The following LRRC8E variants were observed in gnomAD, a reference collection of about 807,000 sequenced individuals.
The protein encoded by LRRC8E is volume-regulated anion channel subunit LRRC8E.
A neutral mutation model predicts 6.1 loss-of-function variants in LRRC8E; 6 were observed. That is an observed-to-expected ratio of 0.98 (90% CI 0.54 to 1.93). The LOEUF is 1.93. Among genes scored for constraint, LRRC8E ranks in the 30% most tolerant of loss-of-function variants. LRRC8E has a pLI of 0.01. For synonymous variants in LRRC8E, 485 were observed against 472.8 expected, an observed-to-expected ratio of 1.03 and a Z score of -0.33; for missense variants, 1,028 against 1,031.4, an observed-to-expected ratio of 1.00 and a Z score of 0.04.
chr19:7,898,382 C>T lies in LRRC8E; in HGVS notation c.139-279C>T, dbSNP rs546693328. Among the ~76,000 whole-genome samples the T allele has an allele frequency of 5.2e-3, 793 of 152,012 alleles. 3 individuals are homozygous for T. Among genetic ancestry groups the T allele is most frequent in the Non-Finnish European group, 8.8e-3 (598 of 67,988 alleles). On this transcript the variant is annotated intron_variant, in intron 2 of 2. Transcript: ENST00000306708. ...TTTTTAAATTAATTTATTTTTGAGA[C>T]AGAGGCTCACTCTGTCACCCAGGCT...
intron 2 of LRRC8E, among the ~76,000 whole-genome samples, chr19:7,897,080 G>A (rs774503912): frequency 1.1e-4 from 17 of 152,270 alleles, no homozygotes; most frequent in Middle Eastern, 6.8e-3. Context: ...AGTTGTCAGT[G>A]AGGGAGAATC....
chr19:7,897,563 G>T (rs575945449), intron 2 of LRRC8E, among the ~76,000 whole-genome samples: 19 of 142,192 alleles, frequency 1.3e-4, no homozygotes, highest in African/African-American at 5.0e-4. Context: ...CTGTAACCTT[G>T]TACTCCTGGC....
At chr19:7,898,020 G>C (rs1332128893) in intron 2 of LRRC8E, among the ~76,000 whole-genome samples, 3 of 151,966 alleles carry the variant, frequency 2.0e-5, no homozygotes, top group Admixed American at 1.3e-4. Context: ...GAGCAGCCTG[G>C]CCAACATGGT....
rs139734410 is a variant in LRRC8E, at chr19:7,899,974, C to A, written c.1452C>A (p.Asp484Glu). Residue 484 changes from aspartate (D) to glutamate (E), a missense_variant, in exon 3 of 3, where the codon GAC becomes GAA. By Grantham distance (45) the Asp-to-Glu change is conservative. Transcript: ENST00000306708. ...LPFSLQVFLR[D>E]HLKVMRVKCE... Reference sequence around the variant, plus strand: ...TCTCCTTGCAGGTCTTCCTGCGGGACCACCTGAAGGTGATGCGCGTCAAAT... The same window carrying A: ...TCTCCTTGCAGGTCTTCCTGCGGGAACACCTGAAGGTGATGCGCGTCAAAT... The A allele has an allele frequency of 7.0e-3, 11,296 of 1,609,668 alleles. 75 individuals carry two copies. Among genetic ancestry groups the A allele is most frequent in the South Asian group, 0.018 (1,626 of 90,956 alleles).
At chr19:7,894,478 C>G (rs907282314) in intron 1 of LRRC8E, among the ~76,000 whole-genome samples, 4 of 152,188 alleles carry the variant, frequency 2.6e-5, no homozygotes, top group African/African-American at 4.8e-5. Context: ...CCACCTGCCT[C>G]AGCTTCCCAT....
Position 7,895,860 on chromosome 19 carries a change from A to G in LRRC8E, c.138+119A>G. On this transcript the variant is annotated intron_variant, in intron 2 of 2. Transcript: ENST00000306708. This position sits in a 1 kb window ranked among gnomAD's most constrained non-coding sequence, Gnocchi z 4.7. Reference sequence around the variant, plus strand: ...GAAACTGAAGACAGAGCCCCACTCAAAGGCCAATCCAGACCCCTTATCTTC... The same window carrying G: ...GAAACTGAAGACAGAGCCCCACTCAGAGGCCAATCCAGACCCCTTATCTTC... 7.6e-7 allele frequency: 1 copy of G among 1,318,382 alleles called. No individual in the cohort carries two copies. The highest frequency in any genetic ancestry group is 2.5e-5 in the East Asian group (1 of 40,456). The allele number at this position is 1,318,382 out of a possible 1,614,324, so 81.7% of individuals were successfully genotyped here. A position where few individuals can be genotyped will look rare whatever the true frequency, so the allele number is the denominator to read the frequency against.
At position 7,895,394 on chromosome 19, in the gene LRRC8E, G is replaced by T; in HGVS notation, c.-5-205G>T. 1 of 586,308 alleles carries T rather than the reference G, an allele frequency of 1.7e-6. No individual in the cohort carries two copies. Among genetic ancestry groups the T allele is most frequent in the Non-Finnish European group, 3.0e-6 (1 of 330,996 alleles). The allele number at this position is 586,308 out of a possible 1,614,324, so 36.3% of individuals were successfully genotyped here. On this transcript the variant is annotated intron_variant, in intron 1 of 2. Transcript: ENST00000306708. The surrounding 1 kb of genome is among the most constrained non-coding windows in gnomAD (Gnocchi z 4.7). ...GCCCAGAGGGGAACAGTGGCCGCTT[G>T]GTTCTGGGCAGGTGGTGACGTCTGC... is the stretch of plus-strand genomic sequence containing the variant.
At position 7,899,179 on chromosome 19, in the gene LRRC8E, T is replaced by A; in HGVS notation, c.657T>A (p.Val219=). Residue 219 remains valine (V), a synonymous_variant, in exon 3 of 3, where the codon GTT becomes GTA. Coordinates refer to ENST00000306708, the MANE Select transcript of LRRC8E (RefSeq NM_025061.6). ...AGAAGGTGGTGACCGAGCCTCCAGT[T>A]GTCACCCTGTTGGACAAGAAGGAGG... ...EPEKVVTEPP[V]VTLLDKKEGE... 4 of 1,614,100 alleles carry A rather than the reference T, an allele frequency of 2.5e-6. No individual in the cohort carries two copies. Among genetic ancestry groups the A allele is most frequent in the Middle Eastern group, 1.6e-4 (1 of 6,062 alleles).
At position 7,899,303 on chromosome 19, in the gene LRRC8E, C is replaced by A; in HGVS notation, c.781C>A (p.Leu261Met). Residue 261 changes from leucine (L) to methionine (M), a missense_variant, in exon 3 of 3, where the codon CTG becomes ATG. Physicochemically the swap from Leu to Met is conservative, Grantham distance 15 (BLOSUM62 2). Coordinates refer to ENST00000306708, the MANE Select transcript of LRRC8E (RefSeq NM_025061.6). ...CACCATGTACATCCGACAGACGGTG[C>A]TGAAAGTGTGTAAGTTCCTGGCCAT... ...LYTMYIRQTV[L>M]KVCKFLAILV... is the part of the protein sequence containing the mutation. The A allele has an allele frequency of 6.2e-7, 1 of 1,614,234 alleles. No homozygotes were observed. Among genetic ancestry groups the A allele is most frequent in the Non-Finnish European group, 8.5e-7 (1 of 1,180,044 alleles).
At chr19:7,897,263 G>A (rs1471564409) in intron 2 of LRRC8E, among the ~76,000 whole-genome samples, 2 of 151,094 alleles carry the variant, frequency 1.3e-5, no homozygotes, top group Admixed American at 6.6e-5. Flanking sequence ...TCCGCCTCCC[G>A]GGTTCCAACA....
Position 7,901,058 on chromosome 19 carries a change from CAGG to C in LRRC8E, c.*150_*152del. The C allele has an allele frequency of 2.9e-6, 2 of 683,026 alleles. No individual in the cohort carries two copies. Among genetic ancestry groups the C allele is most frequent in the Non-Finnish European group, 4.6e-6 (2 of 431,194 alleles). 42.3% of individuals were successfully genotyped at this position (683,026 alleles called of 1,614,324 possible). On this transcript the variant is annotated 3_prime_UTR_variant, in exon 3 of 3. Coordinates refer to ENST00000306708, the MANE Select transcript of LRRC8E (RefSeq NM_025061.6). ...GCAGCTGTGTCATCTTTCTGGGGCC[CAGG>C]AGGATCTGGGCTGGTTTGTCTGGGG...
In LRRC8E at chr19:7,900,721, G is replaced by C; in HGVS notation, c.2199G>C (p.Gln733His). ...KLRTLLLGDNQLSQLSPHVGA... is the reference protein window; with the variant it reads ...KLRTLLLGDNHLSQLSPHVGA... ...GGACGTTGCTTCTGGGCGACAACCA[G>C]CTGAGCCAGCTCTCGCCCCACGTGG... The change falls in exon 3 of 3, where the codon CAG becomes CAC. Residue 733 changes from glutamine (Q) to histidine (H), a missense_variant. Coordinates refer to ENST00000306708, the MANE Select transcript of LRRC8E (RefSeq NM_025061.6). This position sits in a 1 kb window ranked among gnomAD's most constrained non-coding sequence, Gnocchi z 5.0. 6.2e-7 allele frequency: 1 copy of C among 1,613,238 alleles called. No individual in the cohort carries two copies. Among genetic ancestry groups the C allele is most frequent in the Non-Finnish European group, 8.5e-7 (1 of 1,179,946 alleles).
Position 7,900,954 on chromosome 19 carries a change from TTCTGCCCTGGAATC to T in LRRC8E, c.*44_*57del. 6.9e-7 allele frequency: 1 copy of T among 1,447,734 alleles called. No homozygotes were observed. Among genetic ancestry groups the T allele is most frequent in the Non-Finnish European group, 9.2e-7 (1 of 1,089,446 alleles). The allele number at this position is 1,447,734 out of a possible 1,614,324, so 89.7% of individuals were successfully genotyped here. A position where few individuals can be genotyped will look rare whatever the true frequency, so the allele number is the denominator to read the frequency against. On this transcript the variant is annotated 3_prime_UTR_variant, in exon 3 of 3. Transcript: ENST00000306708. The surrounding 1 kb of genome is among the most constrained non-coding windows in gnomAD (Gnocchi z 5.0). ...GTTTTAGGTAGAGCCTTAAAAATGC[TTCTGCCCTGGAATC>T]TCAACCATTGTCTTCCAAGATAGGA...
At chr19:7,889,448 A>C (rs201703510) in intron 1 of LRRC8E, among the ~76,000 whole-genome samples, 49,259 of 149,598 alleles carry the variant, frequency 0.33, 8,527 homozygotes, top group East Asian at 0.51. Flanking sequence ...TCTCAAAAAA[A>C]AAAAAAGATT....
In LRRC8E at chr19:7,898,710, A is replaced by G; in HGVS notation, c.188A>G (p.Asn63Ser). The change falls in exon 3 of 3, where the codon AAC becomes AGC. Residue 63 changes from asparagine (N) to serine (S), a missense_variant. Asn to Ser is a conservative substitution (Grantham distance 46). Coordinates refer to ENST00000306708, the MANE Select transcript of LRRC8E (RefSeq NM_025061.6). ...ICLPNHELQENLSEAPCQQLL... is the reference protein window; with the variant it reads ...ICLPNHELQESLSEAPCQQLL... Reference sequence around the variant, plus strand: ...CTACCCAATCATGAGCTCCAGGAGAACTTATCAGAGGCCCCGTGCCAGCAA... The same window carrying G: ...CTACCCAATCATGAGCTCCAGGAGAGCTTATCAGAGGCCCCGTGCCAGCAA... 6.2e-7 allele frequency: 1 copy of G among 1,613,688 alleles called. No individual in the cohort carries two copies. Among genetic ancestry groups the G allele is most frequent in the Non-Finnish European group, 8.5e-7 (1 of 1,179,804 alleles).
rs750724998 is a variant in LRRC8E at position 7,899,861 on chromosome 19, A to G, written c.1339A>G (p.Ile447Val). The G allele has an allele frequency of 3.1e-6, 5 of 1,606,234 alleles. No individual in the cohort carries two copies. Among genetic ancestry groups the G allele is most frequent in the Admixed American group, 1.7e-5 (1 of 60,026 alleles). Residue 447 changes from isoleucine (I) to valine (V), a missense_variant, in exon 3 of 3, where the codon ATC becomes GTC. Ile to Val is a conservative substitution (Grantham distance 29). Transcript: ENST00000306708. ...SEVESLRLEA[I>V]CDITFPPGLS... ...GGTGGAGTCACTCAGGCTGGAGGCC[A>G]TCTGCGATATCACCTTCCCCCCGGG...
rs776659736 is a variant in LRRC8E at position 7,899,232 on chromosome 19, A to C, written c.710A>C (p.Lys237Thr). The change falls in exon 3 of 3, where the codon AAG becomes ACG. Residue 237 changes from lysine to threonine, a missense_variant. Physicochemically the swap from Lys to Thr is moderately conservative, Grantham distance 78. Coordinates refer to ENST00000306708, the MANE Select transcript of LRRC8E (RefSeq NM_025061.6). ...EGEQAKALFE[K>T]VKKFRMHVEE... ...GAGCAAGCCAAAGCCCTGTTTGAGA[A>C]GGTGAAGAAGTTCCGCATGCACGTG... is the stretch of plus-strand genomic sequence containing the variant. 1.9e-6 allele frequency: 3 copies of C among 1,614,210 alleles called. No homozygotes were observed. The highest frequency in any genetic ancestry group is 4.5e-5 in the East Asian group (2 of 44,896).
At position 7,900,511 on chromosome 19, in the gene LRRC8E, C is replaced by G. The variant is rs761719673; in HGVS notation, c.1989C>G (p.Asn663Lys). 6.2e-7 allele frequency: 1 copy of G among 1,613,044 alleles called. No individual in the cohort carries two copies. Among genetic ancestry groups the G allele is most frequent in the Non-Finnish European group, 8.5e-7 (1 of 1,180,024 alleles). ...RSLEQLYLSY[N>K]KLETLPSQLG... ...TGGAGCAGCTCTACCTCAGCTACAA[C>G]AAGCTGGAGACCCTGCCCTCCCAGC... The change falls in exon 3 of 3, where the codon AAC becomes AAG. Residue 663 changes from asparagine to lysine, a missense_variant. Asn to Lys is a moderately conservative substitution (Grantham distance 94, BLOSUM62 0). Coordinates refer to ENST00000306708, the MANE Select transcript of LRRC8E (RefSeq NM_025061.6). This position sits in a 1 kb window ranked among gnomAD's most constrained non-coding sequence, Gnocchi z 5.0.
Position 7,900,816 on chromosome 19 carries a change from G to A in LRRC8E, c.2294G>A (p.Gly765Asp), listed in dbSNP as rs1268264683. ...TTAGAGGCGCTGCCAGAAGAACTTG[G>A]CAACTGTGGGGGGCTCAAGAAGGCG... ...NRLEALPEEL[G>D]NCGGLKKAGL... Residue 765 changes from glycine to aspartate, a missense_variant, in exon 3 of 3, where the codon GGC (glycine) becomes GAC (aspartate). Transcript: ENST00000306708. The surrounding 1 kb of genome is among the most constrained non-coding windows in gnomAD (Gnocchi z 5.0). The A allele has an allele frequency of 6.3e-7, 1 of 1,595,384 alleles. No homozygotes were observed. The highest frequency in any genetic ancestry group is 1.1e-5 in the South Asian group (1 of 89,312).
Sources: gnomAD v4.1 joint callset for allele counts (sites outside exome capture counted in the v4.1 genomes callset) on GRCh38, gnomAD v4.1.1 for gene constraint, Gnocchi (gnomAD v3.1) non-coding constraint, MANE v1.5 for transcripts, NCBI Gene and HGNC (gene_info 2026-07-23, HGNC 2026-07-21) for gene names.